Variants in SYT1 observed in about 807,000 individuals in gnomAD.
The protein encoded by SYT1 is synaptotagmin-1.
In SYT1, 8 loss-of-function variants were observed where a neutral mutation model predicts 44.8. The ratio of observed to expected loss-of-function variants is 0.18; its 90% CI spans 0.10 to 0.32. The LOEUF (loss-of-function observed/expected upper bound fraction) is 0.32, where lower values mean the gene tolerates loss of function less well. SYT1 is among the 10% of genes least tolerant of loss of function. SYT1 has a pLI of 1.00. For missense variants in SYT1, 286 were observed against 509.3 expected (o/e 0.56, Z 4.22); for synonymous variants, 154 against 188.8 (o/e 0.82, Z 1.51).
chr12:79,048,443 G>A (rs1874234930), intron 3 of SYT1, among the ~76,000 whole-genome samples: 1 of 151,726 alleles, frequency 6.6e-6, no homozygotes, highest in South Asian at 2.1e-4. Flanking sequence ...AAGTTTATCT[G>A]AAATATATTT....
At chr12:79,153,552 C>T (rs1170258079) in intron 3 of SYT1, among the ~76,000 whole-genome samples, 5 of 152,060 alleles carry the variant, frequency 3.3e-5, no homozygotes, top group African/African-American at 1.2e-4. Flanking sequence ...AACATAAGCA[C>T]AGAGGATATA....
At chr12:78,987,575 C>T (rs1426163765) in intron 2 of SYT1, among the ~76,000 whole-genome samples, 2 of 152,158 alleles carry the variant, frequency 1.3e-5, no homozygotes, top group East Asian at 1.9e-4. Flanking sequence ...TGAGGCTACA[C>T]ATGACCTTCC....
intron 1 of SYT1, among the ~76,000 whole-genome samples, chr12:78,907,143 A>G (rs987852343): frequency 1.3e-5 from 2 of 152,032 alleles, no homozygotes; most frequent in East Asian, 3.9e-4. Flanking sequence ...ACCTTAAAAC[A>G]TTATCTTCAG....
rs571797207 is a variant in SYT1 at position 78,912,212 on chromosome 12, G to A, written c.-217+47103G>A. On this transcript the variant is annotated intron_variant, in intron 1 of 10. Coordinates refer to ENST00000261205, the MANE Select transcript of SYT1 (RefSeq NM_005639.3). ...ATTTTTACCCCATCTTCTTCCTTTC[G>A]TATTCTTTTTTTCTTCTTGTTCTCT... Among the ~76,000 whole-genome samples, 36 of 151,742 alleles carry A rather than the reference G, an allele frequency of 2.4e-4. No individual in the cohort carries two copies. In the South Asian group the frequency reaches 5.6e-3, roughly 24 times the overall value.
At chr12:79,419,288 G>A (rs754444916) in intron 9 of SYT1, 12 of 524,522 alleles carry the variant, frequency 2.3e-5, no homozygotes, top group Non-Finnish European at 3.9e-5. Flanking sequence ...ATTTAGAAAA[G>A]AGAATTCCAA....
intron 2 of SYT1, among the ~76,000 whole-genome samples, chr12:79,028,551 A>G (rs1872660028): frequency 6.6e-6 from 1 of 151,340 alleles, no homozygotes; most frequent in Non-Finnish European, 1.5e-5. Flanking sequence ...GGCACTTAGC[A>G]CTATATAGGC....
intron 3 of SYT1, among the ~76,000 whole-genome samples, chr12:79,071,663 C>T (rs1362269663): frequency 2.0e-5 from 3 of 152,162 alleles, no homozygotes; most frequent in Admixed American, 2.0e-4. Context: ...AAGGCTCCTT[C>T]CTTGCTTCTT....
At chr12:79,417,860 AT>A (rs1868846978) in intron 9 of SYT1, among the ~76,000 whole-genome samples, 2 of 149,628 alleles carry the variant, frequency 1.3e-5, no homozygotes. Context: ...TTTGCATATC[AT>A]GTCCTGAGAA....
intron 1 of SYT1, among the ~76,000 whole-genome samples, chr12:78,972,184 A>G (rs1868427512): frequency 6.6e-6 from 1 of 152,018 alleles, no homozygotes; most frequent in Non-Finnish European, 1.5e-5. Flanking sequence ...TTAAACTAAG[A>G]TTCTTCTTAT....
intron 4 of SYT1, among the ~76,000 whole-genome samples, chr12:79,266,785 G>A (rs1165289056): frequency 1.3e-5 from 2 of 152,180 alleles, no homozygotes; most frequent in Non-Finnish European, 2.9e-5. Flanking sequence ...GCAAACTACA[G>A]ATTGGGAGGA....
At chr12:79,230,038 G>T (rs1200843302) in intron 4 of SYT1, among the ~76,000 whole-genome samples, 2 of 152,198 alleles carry the variant, frequency 1.3e-5, no homozygotes, top group Admixed American at 6.5e-5. Flanking sequence ...CCTGTAAAGT[G>T]TGGGACAGTT....
At chr12:79,078,706 C>T (rs565155837) in intron 3 of SYT1, among the ~76,000 whole-genome samples, 1 of 152,152 alleles carries the variant, frequency 6.6e-6, no homozygotes, top group South Asian at 2.1e-4. Context: ...CTACCCACCC[C>T]CAAAAGGCCC....
chr12:79,300,789 T>TTTTATTTATATATA (rs1490670835), intron 8 of SYT1, among the ~76,000 whole-genome samples: 10 of 89,606 alleles, frequency 1.1e-4, no homozygotes, highest in African/African-American at 4.1e-4. Flanking sequence ...TGTATACTTA[T>TTTTATTTATATATA]TATATATATA....
At chr12:79,023,845 A>G (rs1476056433) in intron 2 of SYT1, among the ~76,000 whole-genome samples, 1 of 151,480 alleles carries the variant, frequency 6.6e-6, no homozygotes, top group East Asian at 1.9e-4. Context: ...TGTTTTCTGA[A>G]CTATTCACCT....
At chr12:79,017,324 A>G (rs1871872283) in intron 2 of SYT1, among the ~76,000 whole-genome samples, 1 of 152,166 alleles carries the variant, frequency 6.6e-6, no homozygotes, top group Non-Finnish European at 1.5e-5. Flanking sequence ...ATAATTAATC[A>G]TAGTCTTTGT....
intron 8 of SYT1, among the ~76,000 whole-genome samples, chr12:79,315,888 T>G (rs1202549777): frequency 6.6e-6 from 1 of 152,212 alleles, no homozygotes; most frequent in Non-Finnish European, 1.5e-5. Flanking sequence ...TTATGCCTAA[T>G]TCTCCTGATG....
intron 4 of SYT1, among the ~76,000 whole-genome samples, chr12:79,245,583 C>G (rs1876802747): frequency 1.3e-5 from 2 of 149,604 alleles, no homozygotes; most frequent in African/African-American, 4.9e-5. Flanking sequence ...AATGGCAAAG[C>G]ATCGTGGCAA....
chr12:79,194,240 T>G (rs1293012242), intron 3 of SYT1, among the ~76,000 whole-genome samples: 1 of 152,174 alleles, frequency 6.6e-6, no homozygotes, highest in Non-Finnish European at 1.5e-5. Context: ...AATGAAATAA[T>G]AGGCTTGATT....
chr12:79,325,544 A>G (rs2138994487), intron 8 of SYT1, among the ~76,000 whole-genome samples: 1 of 152,370 alleles, frequency 6.6e-6, no homozygotes, highest in East Asian at 1.9e-4. Context: ...GCCAGCTTTG[A>G]GTAATTCAAA....
Sources: gnomAD v4.1 joint callset for allele counts (sites outside exome capture counted in the v4.1 genomes callset) on GRCh38, gnomAD v4.1.1 for gene constraint, MANE v1.5 for transcripts, NCBI Gene and HGNC (gene_info 2026-07-23, HGNC 2026-07-21) for gene names.